GRID2: variants seen among roughly 807,000 people sequenced by gnomAD.
GRID2 encodes glutamate ionotropic receptor delta type subunit 2, also known as glutamate receptor ionotropic, delta-2.
In GRID2, 33 loss-of-function variants were observed where a neutral mutation model predicts 114.8. The observed-to-expected ratio is 0.29, with a 90% CI of 0.22 to 0.38. The LOEUF (loss-of-function observed/expected upper bound fraction) is 0.38. Among genes scored for constraint, GRID2 ranks in the 10% least tolerant of loss-of-function variants. GRID2 has a pLI of 1.00. For missense variants in GRID2, 1,184 were observed against 1,257.7 expected, an observed-to-expected ratio of 0.94 and a Z score of 0.89; for synonymous variants, 505 against 449.9, an observed-to-expected ratio of 1.12 and a Z score of -1.55.
intron 4 of GRID2, among the ~76,000 whole-genome samples, chr4:93,138,714 A>C (rs1270290008): frequency 6.6e-6 from 1 of 152,152 alleles, no homozygotes; most frequent in Non-Finnish European, 1.5e-5. Flanking sequence ...CATTGCCAAC[A>C]GCTTTCTTAA....
chr4:92,557,723 T>C (rs956505472), intron 1 of GRID2, among the ~76,000 whole-genome samples: 1 of 151,200 alleles, frequency 6.6e-6, no homozygotes, highest in Non-Finnish European at 1.5e-5. Flanking sequence ...TATGGCATTA[T>C]AAATTTATAG....
At chr4:93,558,495 G>T (rs1041799066) in intron 13 of GRID2, among the ~76,000 whole-genome samples, 16 of 152,130 alleles carry the variant, frequency 1.1e-4, no homozygotes, top group African/African-American at 3.6e-4. Flanking sequence ...AGAATAAATG[G>T]ATAAATTCCT....
chr4:92,933,403 T>A (rs1241377373), intron 2 of GRID2, among the ~76,000 whole-genome samples: 2 of 151,400 alleles, frequency 1.3e-5, no homozygotes, highest in Admixed American at 6.6e-5. Flanking sequence ...ACTGAAAAAA[T>A]TTTAAATTCT....
At chr4:93,333,339 T>C (rs1758699405) in intron 8 of GRID2, among the ~76,000 whole-genome samples, 1 of 152,204 alleles carries the variant, frequency 6.6e-6, no homozygotes, top group African/African-American at 2.4e-5. Flanking sequence ...GTCTATAGAC[T>C]GCACTTTTGA....
chr4:93,300,480 G>T (rs960844125), intron 8 of GRID2, among the ~76,000 whole-genome samples: 39 of 152,282 alleles, frequency 2.6e-4, no homozygotes, highest in African/African-American at 9.1e-4. Context: ...AGTAAAGTCT[G>T]TGCCCAGCCT....
chr4:92,412,849 T>C (rs1731407865), intron 1 of GRID2, among the ~76,000 whole-genome samples: 1 of 152,192 alleles, frequency 6.6e-6, no homozygotes. Context: ...CTTCTTCTCC[T>C]TTGTTCACTA....
chr4:92,647,074 A>C (rs1340012436), intron 2 of GRID2, among the ~76,000 whole-genome samples: 1 of 152,236 alleles, frequency 6.6e-6, no homozygotes, highest in Non-Finnish European at 1.5e-5. Context: ...AGTGGGACTG[A>C]GAGGCAATGT....
At chr4:92,395,328 T>C (rs1730441079) in intron 1 of GRID2, among the ~76,000 whole-genome samples, 1 of 151,646 alleles carries the variant, frequency 6.6e-6, no homozygotes, top group Non-Finnish European at 1.5e-5. Flanking sequence ...AATAAGTAAT[T>C]CACTCGATAA....
intron 2 of GRID2, among the ~76,000 whole-genome samples, chr4:92,773,885 G>C (rs1457699969): frequency 6.6e-6 from 1 of 151,972 alleles, no homozygotes; most frequent in East Asian, 1.9e-4. Context: ...TGCACATTTA[G>C]TTGTACAAGC....
At chr4:93,367,161 A>G (rs1762419259) in intron 8 of GRID2, among the ~76,000 whole-genome samples, 1 of 150,434 alleles carries the variant, frequency 6.6e-6, no homozygotes, top group Non-Finnish European at 1.5e-5. Context: ...ATCTTTCTCT[A>G]ACTTGAATTA....
intron 2 of GRID2, among the ~76,000 whole-genome samples, chr4:92,988,568 A>G (rs1754649781): frequency 6.6e-6 from 1 of 152,152 alleles, no homozygotes; most frequent in Admixed American, 6.5e-5. Flanking sequence ...ACAACCATGA[A>G]TCAGAGATCA....
At chr4:92,713,764 G>A (rs2149312112) in intron 2 of GRID2, among the ~76,000 whole-genome samples, 1 of 151,882 alleles carries the variant, frequency 6.6e-6, no homozygotes, top group African/African-American at 2.4e-5. Context: ...GATCTCATGA[G>A]ACTTATTCAC....
At chr4:92,578,041 T>TTTCTTCTTC (rs201059955) in intron 1 of GRID2, among the ~76,000 whole-genome samples, 1,672 of 125,724 alleles carry the variant, frequency 0.013, 26 homozygotes, top group Middle Eastern at 0.056. Flanking sequence ...TGAAACTTAG[T>TTTCTTCTTC]TTCTTCTTCT....
intron 2 of GRID2, among the ~76,000 whole-genome samples, chr4:93,075,590 C>G (rs567284043): frequency 6.6e-6 from 1 of 152,004 alleles, no homozygotes; most frequent in Non-Finnish European, 1.5e-5. Context: ...GAAAAGGAAA[C>G]TAGAAGAAGT....
chr4:92,818,690 C>T (rs1193730929), intron 2 of GRID2, among the ~76,000 whole-genome samples: 2 of 152,072 alleles, frequency 1.3e-5, no homozygotes, highest in Non-Finnish European at 2.9e-5. Flanking sequence ...CTTACCTCAC[C>T]CAGAGCAGCC....
At position 92,891,261 on chromosome 4, in the gene GRID2, A is replaced by G. The variant is rs148408126; in HGVS notation, c.245-193734A>G. On this transcript the variant is annotated intron_variant, in intron 2 of 15. Transcript: ENST00000282020. ...GCACATATATCCCAGAACTCAAACT[A>G]TAAGAAAAAAAAGCAGAAGCAATTA... 1.5e-3 allele frequency among the ~76,000 whole-genome samples: 222 copies of G among 152,282 alleles called. 4 individuals are homozygous for G. The East Asian group carries it at 0.034, about 24-fold the overall frequency.
chr4:92,984,407 C>A (rs1012723059), intron 2 of GRID2, among the ~76,000 whole-genome samples: 1 of 152,210 alleles, frequency 6.6e-6, no homozygotes, highest in African/African-American at 2.4e-5. Flanking sequence ...TTTTACCTGT[C>A]TACATACAAT....
intron 14 of GRID2, among the ~76,000 whole-genome samples, chr4:93,673,597 A>G (rs1446929449): frequency 2.6e-5 from 4 of 152,170 alleles, no homozygotes; most frequent in Admixed American, 2.6e-4. Context: ...TTTATTGACA[A>G]TTGAAACATT....
intron 4 of GRID2, among the ~76,000 whole-genome samples, chr4:93,154,746 A>C (rs28650228): frequency 6.6e-6 from 1 of 151,594 alleles, no homozygotes; most frequent in Non-Finnish European, 1.5e-5. Context: ...GCAAAAAAAC[A>C]AAAACAAAAA....
Sources: gnomAD v4.1 joint callset for allele counts (sites outside exome capture counted in the v4.1 genomes callset) on GRCh38, gnomAD v4.1.1 for gene constraint, MANE v1.5 for transcripts, NCBI Gene and HGNC (gene_info 2026-07-23, HGNC 2026-07-21) for gene names.